ABCB11: variants seen among roughly 807,000 people sequenced by gnomAD.
ABCB11 encodes the protein bile salt export pump.
Under a neutral mutation model 148.0 loss-of-function variants are expected in ABCB11, and 95 were observed. That is an observed-to-expected ratio of 0.64 (90% CI 0.54 to 0.76). ABCB11 has a LOEUF of 0.76. Among genes scored for constraint, ABCB11 ranks in the 30% least tolerant of loss-of-function variants. ABCB11 has a pLI of 0.00. For synonymous variants in ABCB11, 591 were observed against 555.4 expected (o/e 1.06, Z -0.90); for missense variants, 1,523 against 1,617.8 (o/e 0.94, Z 1.01).
downstream of ABCB11, among the ~76,000 whole-genome samples, chr2:168,920,338 T>C (rs1339261237): frequency 1.3e-5 from 2 of 151,870 alleles, no homozygotes; most frequent in Non-Finnish European, 2.9e-5. Context: ...TATTCTTCAA[T>C]TGTAGGAAAT....
chr2:168,956,161 G>A lies in ABCB11; in HGVS notation c.2343+1803C>T, dbSNP rs114282137. Among the ~76,000 whole-genome samples, 415 of 151,778 alleles carry A rather than the reference G, an allele frequency of 2.7e-3. 1 individual carries two copies. The highest frequency in any genetic ancestry group is 9.5e-3 in the African/African-American group (395 of 41,488). The stretch of plus-strand genomic sequence containing the variant: ...CCAGGAGGAAGAGAGAGCGAAAGGG[G>A]AAGACTACAAAGTTTTAAACAACCA... On this transcript the variant is annotated intron_variant, in intron 19 of 27. Coordinates refer to ENST00000650372, the MANE Select transcript of ABCB11 (RefSeq NM_003742.4).
chr2:168,930,989 T>C (rs1412206741), intron 24 of ABCB11, 127 bp from the exon 25 acceptor site: 3 of 761,098 alleles, frequency 3.9e-6, no homozygotes, highest in African/African-American at 1.8e-5. Flanking sequence ...AAGTGCAAAG[T>C]ATAAAGACAG....
intron 10 of ABCB11, among the ~76,000 whole-genome samples, chr2:168,981,988 G>T (rs1694150289): frequency 6.6e-6 from 1 of 152,134 alleles, no homozygotes; most frequent in Non-Finnish European, 1.5e-5. Context: ...TGGCTCTCTG[G>T]ATGGGGAGGA....
chr2:168,951,958 GAATT>G (rs1692589025), intron 19 of ABCB11, among the ~76,000 whole-genome samples: 1 of 151,586 alleles, frequency 6.6e-6, no homozygotes. Context: ...AAGGGATGAT[GAATT>G]TTGTTGAATG....
chr2:168,951,528 T>A (rs1692569835), intron 19 of ABCB11, among the ~76,000 whole-genome samples: 1 of 151,564 alleles, frequency 6.6e-6, no homozygotes, highest in Non-Finnish European at 1.5e-5. Flanking sequence ...TGGGATTAAC[T>A]TCATGATTTG....
intron 5 of ABCB11, among the ~76,000 whole-genome samples, chr2:169,006,620 T>C (rs927037764): frequency 1.3e-5 from 2 of 152,084 alleles, no homozygotes; most frequent in Non-Finnish European, 2.9e-5. Flanking sequence ...AAATGTATAG[T>C]TATTTCTATT....
intron 10 of ABCB11, among the ~76,000 whole-genome samples, chr2:168,981,267 C>T (rs980098101): frequency 6.6e-6 from 1 of 152,082 alleles, no homozygotes; most frequent in African/African-American, 2.4e-5. Flanking sequence ...TTAACAGGGC[C>T]AGGGCTGCCA....
rs185239990 is a variant in ABCB11, at chr2:168,962,574, C to T, written c.2178+1632G>A. On this transcript the variant is annotated intron_variant, in intron 18 of 27. Transcript: ENST00000650372. The stretch of plus-strand genomic sequence containing the variant: ...CTTCCCTCCCTCCCTTCTTTCCATC[C>T]TTTCTTACTTTTACTTTTATTGTCA... 4.2e-3 allele frequency among the ~76,000 whole-genome samples: 636 copies of T among 151,734 alleles called. 3 individuals carry two copies. The highest frequency in any genetic ancestry group is 0.014 in the African/African-American group (601 of 41,470).
At chr2:168,941,022 T>G (rs1445895183) in intron 21 of ABCB11, among the ~76,000 whole-genome samples, 2 of 152,218 alleles carry the variant, frequency 1.3e-5, no homozygotes, top group East Asian at 1.9e-4. Context: ...ACAACGCACC[T>G]AGTCACCCAG....
chr2:169,024,563 T>C (rs1048518061), intron 1 of ABCB11, among the ~76,000 whole-genome samples: 2 of 102,056 alleles, frequency 2.0e-5, no homozygotes, highest in Non-Finnish European at 4.7e-5. Flanking sequence ...CAATGTGCAC[T>C]GTAAATGTCT....
intron 19 of ABCB11, among the ~76,000 whole-genome samples, chr2:168,947,335 G>A (rs1692366068): frequency 1.5e-5 from 2 of 133,754 alleles, no homozygotes. Context: ...CAGAGCTGGC[G>A]ACTCTCACAT....
chr2:168,967,714 GT>G (rs1693378690), intron 17 of ABCB11, among the ~76,000 whole-genome samples: 1 of 151,762 alleles, frequency 6.6e-6, no homozygotes, highest in South Asian at 2.1e-4. Context: ...TTGAATAACA[GT>G]TATAAATATA....
At chr2:168,990,566 G>C (rs376736091) in intron 9 of ABCB11, among the ~76,000 whole-genome samples, 25 of 152,060 alleles carry the variant, frequency 1.6e-4, no homozygotes, top group South Asian at 6.2e-4. Flanking sequence ...CCCTGAGCTG[G>C]CTTTCTAAAA....
chr2:168,937,254 T>C (rs899295972), intron 21 of ABCB11, among the ~76,000 whole-genome samples: 1 of 152,222 alleles, frequency 6.6e-6, no homozygotes, highest in Non-Finnish European at 1.5e-5. Context: ...CATTCATCCA[T>C]TGATGGACAC....
At chr2:169,016,717 G>A in intron 3 of ABCB11, 61 bp downstream of exon 3, 1 of 1,400,510 alleles carries the variant, frequency 7.1e-7, no homozygotes, top group Non-Finnish European at 1.0e-6. Context: ...TTGTGCCTTT[G>A]ATATGAATAT....
chr2:168,973,676 C>A, intron 13 of ABCB11, 39 bp downstream of exon 13: 2 of 1,605,910 alleles, frequency 1.2e-6, no homozygotes, highest in Non-Finnish European at 1.7e-6. Context: ...TTGCACTTTA[C>A]TGTCCCCATG....
intron 19 of ABCB11, among the ~76,000 whole-genome samples, chr2:168,946,290 T>C (rs1431254659): frequency 1.3e-5 from 2 of 151,874 alleles, no homozygotes; most frequent in African/African-American, 2.4e-5. Context: ...TATTCAAAAA[T>C]ATTTACTAAG....
rs1417504687 is a variant in ABCB11 at position 168,973,955 on chromosome 2, G to A, written c.1309-115C>T. On this transcript the variant is annotated intron_variant, in intron 12 of 27. Coordinates refer to ENST00000650372, the MANE Select transcript of ABCB11 (RefSeq NM_003742.4). The stretch of plus-strand genomic sequence containing the variant: ...ACTCGGTGTCTGTGTGTGCGTTTAT[G>A]TATGCCCCCAAAGCAACGTCCACTG... 8 of 1,189,396 alleles carry A rather than the reference G, an allele frequency of 6.7e-6. No individual in the cohort carries two copies. In the East Asian group the frequency reaches 1.3e-4, roughly 19 times the overall value. The allele number at this position is 1,189,396 out of a possible 1,614,324, so 73.7% of individuals were successfully genotyped here.
chr2:168,922,126 G>C lies in ABCB11; in HGVS notation c.*1496C>G, dbSNP rs1305656504. ...GGCCTCCCAAAGTGCTGGGATTACA[G>C]GAGTGAGCCACAGCGCCTGGCCCGA... On this transcript the variant is annotated 3_prime_UTR_variant, in exon 28 of 28. Coordinates refer to ENST00000650372, the MANE Select transcript of ABCB11 (RefSeq NM_003742.4). 2.0e-5 allele frequency among the ~76,000 whole-genome samples: 3 copies of C among 152,128 alleles called. No homozygotes were observed. The highest frequency in any genetic ancestry group is 2.4e-5 in the African/African-American group (1 of 41,428).
Sources: allele counts gnomAD v4.1 joint callset (sites outside exome capture counted in the v4.1 genomes callset), GRCh38; gene constraint gnomAD v4.1.1; transcripts MANE v1.5; gene names NCBI Gene and HGNC (gene_info 2026-07-23, HGNC 2026-07-21).